FAM234A: variants seen among roughly 807,000 people sequenced by gnomAD.
FAM234A encodes the protein family with sequence similarity 234 member A.
In FAM234A, 42 loss-of-function variants were observed where a neutral mutation model predicts 49.1. The observed-to-expected ratio is 0.86, with a 90% CI of 0.67 to 1.11. FAM234A has a LOEUF of 1.11. Among genes scored for constraint, FAM234A ranks in the 50% least tolerant of loss-of-function variants. The pLI is 0.00. For missense variants in FAM234A, 815 were observed against 745.2 expected, an observed-to-expected ratio of 1.09 and a Z score of -1.09; for synonymous variants, 369 against 316.2, an observed-to-expected ratio of 1.17 and a Z score of -1.77.
At chr16:259,933 G>T in intron 4 of FAM234A, 36 bp from the exon 5 acceptor site, 1 of 1,587,446 alleles carries the variant, frequency 6.3e-7, no homozygotes, top group South Asian at 1.1e-5. Context: ...CTGCCCAGAT[G>T]GTGCAACAGT....
intron 1 of FAM234A, among the ~76,000 whole-genome samples, chr16:237,270 TAAC>T (rs1484948711): frequency 6.6e-6 from 1 of 152,034 alleles, no homozygotes; most frequent in Non-Finnish European, 1.5e-5. Flanking sequence ...CTGCTGCTTG[TAAC>T]AACACAAAGT....
chr16:264,523 C>T lies in FAM234A; in HGVS notation c.1345-91C>T. 3 of 899,840 alleles carry T rather than the reference C, an allele frequency of 3.3e-6. No individual in the cohort carries two copies. The South Asian group carries it at 4.4e-5, about 13-fold the overall frequency. The allele number at this position is 899,840 out of a possible 1,614,324, so 55.7% of individuals were successfully genotyped here. ...GGACCCAGATAGGGCCCCTAGCAGA[C>T]ATAGAGCTCCAGGCACGGTCACTCT... On this transcript the variant is annotated intron_variant, in intron 11 of 12. Transcript: ENST00000399932.
intron 2 of FAM234A, chr16:253,927 C>T (rs563835781): frequency 4.0e-5 from 7 of 174,294 alleles, no homozygotes; most frequent in South Asian, 2.6e-4. Flanking sequence ...ATCTTCACTC[C>T]GGGTACTTTG....
intron 1 of FAM234A, among the ~76,000 whole-genome samples, chr16:236,381 T>C (rs1278712053): frequency 4.6e-5 from 7 of 151,920 alleles, no homozygotes; most frequent in Non-Finnish European, 7.4e-5. Context: ...TCCCAGCACT[T>C]TGGGAGTTTG....
Position 262,135 on chromosome 16 carries a change from G to C in FAM234A, c.751G>C (p.Gly251Arg). 1 of 1,614,070 alleles carries C rather than the reference G, an allele frequency of 6.2e-7. No individual in the cohort carries two copies. The highest frequency in any genetic ancestry group is 8.5e-7 in the Non-Finnish European group (1 of 1,180,024). Residue 251 changes from glycine (G) to arginine (R), a missense_variant, in exon 7 of 13, where the codon GGC (glycine) becomes CGC (arginine). Physicochemically the swap from Gly to Arg is moderately radical, Grantham distance 125. Transcript: ENST00000399932. ...CTCCGGCAGCACCGGGCACCAGATTGGCCTCAGAGGCAGCCTTGGTGTGGA... is the reference window on the plus strand; with the variant it reads ...CTCCGGCAGCACCGGGCACCAGATTCGCCTCAGAGGCAGCCTTGGTGTGGA... ...LYSGSTGHQI[G>R]LRGSLGVDGE...
At chr16:269,614 C>T (rs755471668), downstream of FAM234A, 8 of 1,533,396 alleles carry the variant, frequency 5.2e-6, 1 homozygote, top group South Asian at 3.4e-5. Flanking sequence ...AGCCCCTGAC[C>T]CTTCTGCCTC....
chr16:261,835 C>T (rs893982510), intron 6 of FAM234A, among the ~76,000 whole-genome samples: 6 of 152,202 alleles, frequency 3.9e-5, no homozygotes, highest in South Asian at 4.1e-4. Flanking sequence ...TCATGTGCCC[C>T]GTGCAGTGTG....
At chr16:244,210 C>A (rs923509581) in intron 1 of FAM234A, among the ~76,000 whole-genome samples, 2 of 152,110 alleles carry the variant, frequency 1.3e-5, no homozygotes, top group Non-Finnish European at 2.9e-5. Flanking sequence ...CCTTGTGATC[C>A]ACCCGCCTTG....
intron 1 of FAM234A, among the ~76,000 whole-genome samples, chr16:238,857 G>A (rs985678034): frequency 6.7e-6 from 1 of 149,498 alleles, no homozygotes; most frequent in South Asian, 2.1e-4. Flanking sequence ...GGCTGAGGTG[G>A]GTGGATCACG....
chr16:237,407 G>A (rs892051481), intron 1 of FAM234A, among the ~76,000 whole-genome samples: 1 of 152,062 alleles, frequency 6.6e-6, no homozygotes, highest in Non-Finnish European at 1.5e-5. Flanking sequence ...ATGTTGGCTG[G>A]GGCTGCAGGT....
At chr16:235,919 G>C (rs1306374732) in intron 1 of FAM234A, among the ~76,000 whole-genome samples, 1 of 151,820 alleles carries the variant, frequency 6.6e-6, no homozygotes, top group African/African-American at 2.4e-5. Context: ...TTGGGAGGCC[G>C]AGGCAGGCGG....
Position 263,428 on chromosome 16 carries a change from C to T in FAM234A, c.1112+26C>T, listed in dbSNP as rs762489682. The T allele has an allele frequency of 7.5e-6, 12 of 1,602,810 alleles. No individual in the cohort carries two copies. The Admixed American group carries it at 8.3e-5, about 11-fold the overall frequency. On this transcript the variant is annotated intron_variant, in intron 9 of 12. Transcript: ENST00000399932. ...GTACAGGGTTTCCCCAAGGACCGCG[C>T]AGGTGCTGCACCCCTTCCCGGCATC...
chr16:269,938 C>T (rs887288612), downstream of FAM234A: 4 of 232,336 alleles, frequency 1.7e-5, no homozygotes, highest in African/African-American at 9.2e-5. Context: ...ACAAGGTAGG[C>T]CACGCATGGT....
Position 239,410 on chromosome 16 carries a change from G to A in FAM234A, c.-140+4553G>A, listed in dbSNP as rs1305353500. 4.0e-5 allele frequency among the ~76,000 whole-genome samples: 6 copies of A among 151,034 alleles called. No homozygotes were observed. In the Admixed American group the frequency reaches 4.0e-4, roughly 10 times the overall value. On this transcript the variant is annotated intron_variant, in intron 1 of 12. Transcript: ENST00000399932. Reference sequence around the variant, plus strand: ...GGGTGGATCACGAGGTCAGGAGATCGAGTCCATCCTGGCTAACGTGGTGAA... The same window carrying A: ...GGGTGGATCACGAGGTCAGGAGATCAAGTCCATCCTGGCTAACGTGGTGAA...
chr16:263,893 C>A, intron 10 of FAM234A, 118 bp downstream of exon 10: 1 of 1,396,810 alleles, frequency 7.2e-7, no homozygotes. Context: ...TGAGAAGGTT[C>A]TGCCTCCCTC....
At chr16:235,360 C>T (rs1012805277) in intron 1 of FAM234A, among the ~76,000 whole-genome samples, 2 of 152,152 alleles carry the variant, frequency 1.3e-5, no homozygotes, top group Non-Finnish European at 2.9e-5. Context: ...CGTCCGGCAC[C>T]CCGGGAAAGC....
At chr16:236,255 C>T (rs2050396283) in intron 1 of FAM234A, among the ~76,000 whole-genome samples, 1 of 151,806 alleles carries the variant, frequency 6.6e-6, no homozygotes. Context: ...CGCAACTGGC[C>T]CTCTTTTTTT....
intron 3 of FAM234A, among the ~76,000 whole-genome samples, chr16:255,519 A>G (rs1336899351): frequency 4.6e-5 from 7 of 152,106 alleles, no homozygotes. Context: ...GGCTGCAGTG[A>G]GCTGTGATCG....
chr16:246,185 C>A (rs113345834), intron 1 of FAM234A, among the ~76,000 whole-genome samples: 50,088 of 150,848 alleles, frequency 0.33, 11,796 homozygotes, highest in African/African-American at 0.66. Flanking sequence ...ATTGTACTCC[C>A]GCCTAGGTGA....
Sources: gnomAD v4.1 joint callset for allele counts (sites outside exome capture counted in the v4.1 genomes callset) on GRCh38, gnomAD v4.1.1 for gene constraint, MANE v1.5 for transcripts, NCBI Gene and HGNC (gene_info 2026-07-23, HGNC 2026-07-21) for gene names.